Variants in ARPP21 observed in about 807,000 individuals in gnomAD.
The protein encoded by ARPP21 is cAMP-regulated phosphoprotein 21.
A neutral mutation model predicts 113.2 loss-of-function variants in ARPP21; 69 were observed. The observed-to-expected ratio is 0.61, with a 90% CI of 0.50 to 0.74. The LOEUF is 0.74. ARPP21 is among the 30% of genes least tolerant of loss of function. The pLI is 0.00. For missense variants in ARPP21, 1,070 were observed against 1,037.4 expected (o/e 1.03, Z -0.43); for synonymous variants, 368 against 375.5 (o/e 0.98, Z 0.23).
At chr3:35,738,964 G>T (rs1318374362) in intron 17 of ARPP21, among the ~76,000 whole-genome samples, 9 of 152,250 alleles carry the variant, frequency 5.9e-5, no homozygotes. Context: ...TGTGGTTTCT[G>T]CTGGGAAGAC....
chr3:35,750,008 T>G (rs1380411056), intron 19 of ARPP21, among the ~76,000 whole-genome samples: 3 of 152,064 alleles, frequency 2.0e-5, no homozygotes, highest in South Asian at 2.1e-4. Flanking sequence ...GAACTAGCTC[T>G]GTTTCATTGA....
At chr3:35,654,302 T>C (rs1254340412) in intron 1 of ARPP21, among the ~76,000 whole-genome samples, 1 of 152,078 alleles carries the variant, frequency 6.6e-6, no homozygotes, top group Non-Finnish European at 1.5e-5. Flanking sequence ...TTTAAGTTAC[T>C]CTTTTGTGAT....
intron 12 of ARPP21, among the ~76,000 whole-genome samples, chr3:35,717,084 T>C (rs1232884647): frequency 6.6e-6 from 1 of 151,990 alleles, no homozygotes; most frequent in Non-Finnish European, 1.5e-5. Flanking sequence ...TCTTTCCTTC[T>C]TTTCTCCTTA....
intron 9 of ARPP21, among the ~76,000 whole-genome samples, chr3:35,705,535 T>TTTC (rs1377410462): frequency 1.3e-5 from 2 of 152,168 alleles, no homozygotes; most frequent in Non-Finnish European, 2.9e-5. Flanking sequence ...TTGTTCTTTA[T>TTTC]CTTGAGGTTT....
intron 19 of ARPP21, among the ~76,000 whole-genome samples, chr3:35,750,217 C>T (rs1206244568): frequency 2.7e-5 from 4 of 147,782 alleles, no homozygotes; most frequent in Admixed American, 6.8e-5. Flanking sequence ...TATAAATTTC[C>T]CTTTCAGTCT....
chr3:35,676,245 G>A (rs2077450475), intron 1 of ARPP21, among the ~76,000 whole-genome samples: 1 of 151,848 alleles, frequency 6.6e-6, no homozygotes, highest in Non-Finnish European at 1.5e-5. Flanking sequence ...TGATTATTAT[G>A]GTGCTACTCC....
intron 1 of ARPP21, among the ~76,000 whole-genome samples, chr3:35,644,403 A>G (rs1054067380): frequency 6.6e-6 from 1 of 151,990 alleles, no homozygotes; most frequent in Non-Finnish European, 1.5e-5. Context: ...GAAGTATTTA[A>G]ATTATATACA....
intron 18 of ARPP21, among the ~76,000 whole-genome samples, chr3:35,743,082 T>G (rs2094776214): frequency 6.6e-6 from 1 of 152,190 alleles, no homozygotes; most frequent in South Asian, 2.1e-4. Flanking sequence ...TGAACATACT[T>G]TTTTGAATAG....
In ARPP21 at chr3:35,793,846, A is replaced by G. The variant is rs553405962; in HGVS notation, c.2432A>G (p.Asn811Ser). 1.7e-4 allele frequency: 270 copies of G among 1,614,126 alleles called. 4 individuals are homozygous for G. The South Asian group carries it at 2.7e-3, about 16-fold the overall frequency. Residue 811 changes from asparagine (N) to serine (S), a missense_variant, in exon 21 of 21, where the codon AAC becomes AGC. Asn to Ser is a conservative substitution (Grantham distance 46). Transcript: ENST00000684406. ...CNVTPPTPQN[N>S]LRLIGPHCPS... is the part of the protein sequence containing the mutation. ...GTCACACCGCCCACCCCTCAGAACA[A>G]CCTTAGGCTGATTGGCCCACACTGC... is the stretch of plus-strand genomic sequence containing the variant.
At chr3:35,754,412 C>T (rs1050873886) in intron 19 of ARPP21, among the ~76,000 whole-genome samples, 6 of 151,716 alleles carry the variant, frequency 4.0e-5, no homozygotes, top group Admixed American at 6.6e-5. Context: ...AAGAGTGACA[C>T]GAGGACTTAA....
intron 1 of ARPP21, among the ~76,000 whole-genome samples, chr3:35,661,538 T>G (rs1363471596): frequency 6.6e-6 from 1 of 152,202 alleles, no homozygotes; most frequent in African/African-American, 2.4e-5. Flanking sequence ...CTAGTATACA[T>G]TCTCTGCATG....
intron 19 of ARPP21, among the ~76,000 whole-genome samples, chr3:35,765,875 G>C (rs953781922): frequency 3.9e-5 from 6 of 152,050 alleles, no homozygotes; most frequent in African/African-American, 1.4e-4. Flanking sequence ...CTACTTTGTG[G>C]CTCAGTGTTC....
chr3:35,710,564 C>G (rs2090806544), intron 11 of ARPP21, among the ~76,000 whole-genome samples: 1 of 151,756 alleles, frequency 6.6e-6, no homozygotes, highest in Admixed American at 6.6e-5. Flanking sequence ...CACACACACA[C>G]ACACACACAC....
intron 1 of ARPP21, chr3:35,643,638 C>T (rs1699016546): frequency 6.6e-6 from 1 of 151,858 alleles, no homozygotes; most frequent in South Asian, 2.1e-4. Flanking sequence ...ACAAGGTAGC[C>T]AGAAGTGAAT....
intron 5 of ARPP21, chr3:35,685,733 C>T (rs3302): frequency 0.14 from 132,069 of 975,108 alleles, 9,563 homozygotes; most frequent in South Asian, 0.21. Context: ...TAATGTTATA[C>T]TATTTACCTG....
chr3:35,767,061 T>C (rs1271161617), intron 19 of ARPP21, among the ~76,000 whole-genome samples: 2 of 152,142 alleles, frequency 1.3e-5, no homozygotes, highest in Admixed American at 6.6e-5. Flanking sequence ...TGTAAAGAAA[T>C]AGGACTAAGC....
At chr3:35,762,120 T>TCA (rs2095801828) in intron 19 of ARPP21, among the ~76,000 whole-genome samples, 1 of 144,944 alleles carries the variant, frequency 6.9e-6, no homozygotes, top group Non-Finnish European at 1.5e-5. Flanking sequence ...TCTCTCTCTC[T>TCA]CTCTCTCACA....
rs1343857854 is a variant in ARPP21, at chr3:35,748,445, AAG to A, written c.2137+4482_2137+4483del. Among the ~76,000 whole-genome samples the A allele has an allele frequency of 5.3e-5, 8 of 151,466 alleles. No homozygotes were observed. The East Asian group carries it at 9.7e-4, about 18-fold the overall frequency. Reference sequence around the variant, plus strand: ...AAAGAGAAAGAAAGAGAAAGAAAGAAAGAAAAGAAAGAAAAAGAAAGAGAGAG... The same window carrying A: ...AAAGAGAAAGAAAGAGAAAGAAAGAAAAAAGAAAGAAAAAGAAAGAGAGAG... On this transcript the variant is annotated intron_variant, in intron 19 of 20. Transcript: ENST00000684406.
intron 5 of ARPP21, chr3:35,685,945 A>AT (rs909073066): frequency 5.4e-5 from 19 of 355,036 alleles, no homozygotes; most frequent in South Asian, 2.3e-4. Context: ...TAGAAAAGAT[A>AT]TTTTTTTTCC....
Sources: gnomAD v4.1 joint callset for allele counts (sites outside exome capture counted in the v4.1 genomes callset) on GRCh38, gnomAD v4.1.1 for gene constraint, MANE v1.5 for transcripts, NCBI Gene and HGNC (gene_info 2026-07-23, HGNC 2026-07-21) for gene names.